The following WSCD2 variants were observed in gnomAD, a reference collection of about 807,000 sequenced individuals.
WSCD2 encodes sialate:O-sulfotransferase 2.
WSCD2 carries 28 observed loss-of-function variants against 55.7 expected under a neutral mutation model. The ratio of observed to expected loss-of-function variants is 0.50; its 90% CI spans 0.37 to 0.69. The LOEUF is 0.69. Ranked by LOEUF, WSCD2 falls within the 30% of genes least tolerant of loss-of-function variation. The pLI is 0.00. For missense variants in WSCD2, 616 were observed against 762.1 expected, an observed-to-expected ratio of 0.81 and a Z score of 2.26; for synonymous variants, 301 against 301.9, an observed-to-expected ratio of 1.00 and a Z score of 0.03.
rs151127786 is a variant in WSCD2 at position 108,134,618 on chromosome 12, A to G, written c.-552+4692A>G. On this transcript the variant is annotated intron_variant, in intron 1 of 8. Coordinates refer to ENST00000547525, the MANE Select transcript of WSCD2 (RefSeq NM_014653.4). ...TGTTACACACCACTGTCATGGTCAT[A>G]GCTAACTGATGCAGTTACCAGTAAG... 1.8e-3 allele frequency among the ~76,000 whole-genome samples: 273 copies of G among 152,276 alleles called. 3 individuals are homozygous for G. Among genetic ancestry groups the G allele is most frequent in the African/African-American group, 6.2e-3 (258 of 41,552 alleles).
intron 1 of WSCD2, among the ~76,000 whole-genome samples, chr12:108,171,300 G>C (rs17040265): frequency 6.8e-6 from 1 of 147,938 alleles, no homozygotes; most frequent in African/African-American, 2.5e-5. Context: ...AGGACAGTAA[G>C]TTTTCCAGGG....
At chr12:108,201,378 G>A (rs1194974223) in intron 2 of WSCD2, among the ~76,000 whole-genome samples, 1 of 152,132 alleles carries the variant, frequency 6.6e-6, no homozygotes, top group Non-Finnish European at 1.5e-5. Context: ...AAGGACACCA[G>A]TCATACTGGA....
rs1354818052 is a variant in WSCD2 at position 108,134,204 on chromosome 12, T to C, written c.-552+4278T>C. ...TCAAGGTCCGCCAGTGCCTGGTTAT[T>C]GGGATGGGTGCATCACTGTTCCCAT... is the stretch of plus-strand genomic sequence containing the variant. On this transcript the variant is annotated intron_variant, in intron 1 of 8. Coordinates refer to ENST00000547525, the MANE Select transcript of WSCD2 (RefSeq NM_014653.4). Among the ~76,000 whole-genome samples, 8 of 152,156 alleles carry C rather than the reference T, an allele frequency of 5.3e-5. 1 individual carries two copies. Among genetic ancestry groups the C allele is most frequent in the Admixed American group, 3.9e-4 (6 of 15,284 alleles).
intron 1 of WSCD2, among the ~76,000 whole-genome samples, chr12:108,158,896 C>T (rs1565923847): frequency 6.6e-6 from 1 of 152,172 alleles, no homozygotes; most frequent in Non-Finnish European, 1.5e-5. Flanking sequence ...ACCAACATTA[C>T]CCTCCTTGTG....
intron 1 of WSCD2, among the ~76,000 whole-genome samples, chr12:108,185,604 C>T (rs540929229): frequency 2.0e-5 from 3 of 152,238 alleles, no homozygotes; most frequent in Admixed American, 2.0e-4. Flanking sequence ...CACACACAAC[C>T]GAGGCAAAGG....
intron 1 of WSCD2, among the ~76,000 whole-genome samples, chr12:108,150,448 GT>G (rs1340579370): frequency 1.3e-5 from 2 of 152,188 alleles, no homozygotes; most frequent in Non-Finnish European, 2.9e-5. Context: ...CCAGGAAGAG[GT>G]GTGGAGTCTA....
At chr12:108,224,917 G>A (rs1378728331) in intron 5 of WSCD2, 57 bp downstream of exon 5, 3 of 1,580,556 alleles carry the variant, frequency 1.9e-6, no homozygotes, top group Admixed American at 1.8e-5. Flanking sequence ...CAGCAGAGCT[G>A]CAGGAACCAC....
In WSCD2 at chr12:108,166,905, G is replaced by A. The variant is rs562487108; in HGVS notation, c.-551-28377G>A. On this transcript the variant is annotated intron_variant, in intron 1 of 8. Transcript: ENST00000547525. The stretch of plus-strand genomic sequence containing the variant: ...TGGCTCACTGCAACCTCCGCCTCCC[G>A]GATCCAAGTGATTCTCCTGCCTCAG... 4.8e-4 allele frequency among the ~76,000 whole-genome samples: 72 copies of A among 149,362 alleles called. 4 individuals carry two copies. In the South Asian group the frequency reaches 0.015, roughly 31 times the overall value.
intron 8 of WSCD2, among the ~76,000 whole-genome samples, chr12:108,246,226 AG>A (rs956771493): frequency 6.6e-6 from 1 of 152,210 alleles, no homozygotes; most frequent in African/African-American, 2.4e-5. Context: ...TTTTCCTTTC[AG>A]GGTAGTCAGC....
intron 8 of WSCD2, chr12:108,244,515 G>C (rs1419238583): frequency 1.4e-6 from 1 of 702,938 alleles, no homozygotes; most frequent in Non-Finnish European, 2.6e-6. Context: ...CACCTTGCTT[G>C]TCCCAGGAGC....
chr12:108,220,111 G>A (rs1887317818), intron 4 of WSCD2, among the ~76,000 whole-genome samples: 1 of 152,186 alleles, frequency 6.6e-6, no homozygotes, highest in African/African-American at 2.4e-5. Flanking sequence ...GCCCAGGACA[G>A]TGCAAACTTG....
At chr12:108,224,018 T>C (rs1887809965) in intron 4 of WSCD2, among the ~76,000 whole-genome samples, 1 of 152,220 alleles carries the variant, frequency 6.6e-6, no homozygotes, top group Non-Finnish European at 1.5e-5. Flanking sequence ...GAAACATTTG[T>C]CTCAGGCTCT....
chr12:108,233,827 A>G (rs1172336984), intron 7 of WSCD2, among the ~76,000 whole-genome samples: 1 of 152,218 alleles, frequency 6.6e-6, no homozygotes, highest in Non-Finnish European at 1.5e-5. Context: ...ATGGTGGGAG[A>G]CATCAGGGAA....
intron 1 of WSCD2, among the ~76,000 whole-genome samples, chr12:108,150,386 G>T (rs1877852704): frequency 6.6e-6 from 1 of 152,170 alleles, no homozygotes; most frequent in African/African-American, 2.4e-5. Flanking sequence ...AGTGTTACGA[G>T]AACATGGAGG....
chr12:108,241,159 T>A (rs1284614783), intron 8 of WSCD2, among the ~76,000 whole-genome samples: 1 of 152,092 alleles, frequency 6.6e-6, no homozygotes, highest in Non-Finnish European at 1.5e-5. Context: ...CTCAGAGAGG[T>A]TAAGTGACTT....
rs546343938 is a variant in WSCD2 at position 108,159,402 on chromosome 12, C to T, written c.-552+29476C>T. 1.9e-4 allele frequency among the ~76,000 whole-genome samples: 29 copies of T among 152,324 alleles called. No individual in the cohort carries two copies. The South Asian group carries it at 6.0e-3, about 32-fold the overall frequency. Reference sequence around the variant, plus strand: ...TGAGACAGAAACTACTCACAGTATACCCATTCTACAGATGAGAGAACCAAG... The same window carrying T: ...TGAGACAGAAACTACTCACAGTATATCCATTCTACAGATGAGAGAACCAAG... On this transcript the variant is annotated intron_variant, in intron 1 of 8. Coordinates refer to ENST00000547525, the MANE Select transcript of WSCD2 (RefSeq NM_014653.4).
intron 3 of WSCD2, among the ~76,000 whole-genome samples, chr12:108,209,186 T>C (rs990260889): frequency 1.1e-4 from 16 of 152,180 alleles, no homozygotes; most frequent in Admixed American, 7.8e-4. Flanking sequence ...TCAAAAAAAC[T>C]TGAAAACCTT....
chr12:108,170,134 G>A (rs1880082478), intron 1 of WSCD2, among the ~76,000 whole-genome samples: 3 of 152,018 alleles, frequency 2.0e-5, no homozygotes, highest in Admixed American at 2.0e-4. Context: ...TGTCCTGGAT[G>A]TATGTGTGTG....
chr12:108,247,846 C>G, intron 8 of WSCD2, 145 bp from the exon 9 acceptor site: 1 of 969,972 alleles, frequency 1.0e-6, no homozygotes, highest in Non-Finnish European at 1.5e-6. Flanking sequence ...TGTGAGCCAC[C>G]TCACCTGGCC....
Sources: gnomAD v4.1 joint callset for allele counts (sites outside exome capture counted in the v4.1 genomes callset) on GRCh38, gnomAD v4.1.1 for gene constraint, MANE v1.5 for transcripts, NCBI Gene and HGNC (gene_info 2026-07-23, HGNC 2026-07-21) for gene names.